AOPEP: variants seen among roughly 807,000 people sequenced by gnomAD.
The protein encoded by AOPEP is aminopeptidase O.
Under a neutral mutation model 98.1 loss-of-function variants are expected in AOPEP, and 77 were observed. The ratio of observed to expected loss-of-function variants is 0.78; its 90% confidence interval spans 0.65 to 0.95. The LOEUF is 0.95. AOPEP is among the 40% of genes least tolerant of loss of function. AOPEP has a pLI of 0.00. For missense variants in AOPEP, 1,024 were observed against 1,024.7 expected (o/e 1.00, Z 0.01); for synonymous variants, 346 against 365.3 (o/e 0.95, Z 0.60).
intron 5 of AOPEP, among the ~76,000 whole-genome samples, chr9:94,847,509 C>T (rs1016827242): frequency 2.0e-5 from 3 of 152,160 alleles, no homozygotes; most frequent in Non-Finnish European, 2.9e-5. Context: ...TCTGTCAATA[C>T]GTTGTTAACA....
At chr9:95,132,837 C>T in the AOPEP span, among the ~76,000 whole-genome samples, 2 of 152,146 alleles carry the variant, frequency 1.3e-5, no homozygotes, top group Non-Finnish European at 2.9e-5. Flanking sequence ...CTGTACCACA[C>T]TTTTATCTTT....
rs1431197308 is a variant in AOPEP, at chr9:94,954,187, G to A, written c.1662-990G>A. Among the ~76,000 whole-genome samples the A allele has an allele frequency of 4.6e-5, 7 of 152,224 alleles. No individual in the cohort carries two copies. In the East Asian group the frequency reaches 1.2e-3, roughly 25 times the overall value. ...AAAAAAACAAAAATTAGCTGGGTAC[G>A]GTGGCAGGCTTCTGTAATCCCAGCT... On this transcript the variant is annotated intron_variant, in intron 7 of 16. Coordinates refer to ENST00000375315, the MANE Select transcript of AOPEP (RefSeq NM_001193329.3).
chr9:95,036,024 G>A lies in AOPEP; in HGVS notation c.2116-24670G>A, dbSNP rs115632201. Among the ~76,000 whole-genome samples, 1,301 of 152,242 alleles carry A rather than the reference G, an allele frequency of 8.5e-3. 25 individuals carry two copies. Among genetic ancestry groups the A allele is most frequent in the African/African-American group, 0.03 (1,239 of 41,538 alleles). On this transcript the variant is annotated intron_variant, in intron 13 of 16. Transcript: ENST00000375315. ...GTTTCCGTGATGGTGGTCACACTGA[G>A]TTTTCTTGAATAGAAGGGATTATGC... is the stretch of plus-strand genomic sequence containing the variant.
At chr9:95,084,145 C>T (rs1015738068) in intron 16 of AOPEP, among the ~76,000 whole-genome samples, 19 of 151,998 alleles carry the variant, frequency 1.3e-4, no homozygotes, top group South Asian at 2.1e-4. Context: ...AAGCATTTTT[C>T]GTGTTATAGC....
chr9:94,796,930 A>G (rs888068802), intron 4 of AOPEP, among the ~76,000 whole-genome samples: 3 of 152,216 alleles, frequency 2.0e-5, no homozygotes, highest in Non-Finnish European at 2.9e-5. Flanking sequence ...AAACTTGGAT[A>G]AAGTCCAAAG....
intron 11 of AOPEP, among the ~76,000 whole-genome samples, chr9:94,983,963 C>T (rs1031054535): frequency 6.6e-6 from 1 of 151,082 alleles, no homozygotes; most frequent in Admixed American, 6.7e-5. Context: ...TGCTCAGGAG[C>T]TCACCGTCCA....
At chr9:94,815,739 G>GT (rs1490026977) in intron 5 of AOPEP, among the ~76,000 whole-genome samples, 1 of 152,080 alleles carries the variant, frequency 6.6e-6, no homozygotes, top group Admixed American at 6.6e-5. Flanking sequence ...TTGGTCCATG[G>GT]GTGAAGCATC....
chr9:94,901,641 G>C (rs55949944), intron 5 of AOPEP, among the ~76,000 whole-genome samples: 1 of 152,116 alleles, frequency 6.6e-6, no homozygotes, highest in African/African-American at 2.4e-5. Context: ...AACTTTTCAC[G>C]TAGAAAAGTG....
rs1837952718 is a variant in AOPEP at position 94,760,280 on chromosome 9, G to A, written c.497G>A (p.Gly166Asp). The A allele has an allele frequency of 1.2e-6, 2 of 1,614,034 alleles. No individual in the cohort carries two copies. Among genetic ancestry groups the A allele is most frequent in the African/African-American group, 1.3e-5 (1 of 74,920 alleles). The change falls in exon 2 of 17, where the codon GGT (glycine) becomes GAT (aspartate). Residue 166 changes from glycine to aspartate, a missense_variant. Gly to Asp is a moderately conservative substitution (Grantham distance 94). Around this residue, in one of 3 missense-constraint regions of AOPEP, gnomAD observed 440 missense variants for 433.8 expected, o/e 1.01. Transcript: ENST00000375315. ...GAGGTGGATGTTGCTGCTGTGCCAG[G>A]TCTGGAAAAATTTACAAGGTCTCCT... is the stretch of plus-strand genomic sequence containing the variant. ...VEEVDVAAVP[G>D]LEKFTRSPEL...
the AOPEP span, among the ~76,000 whole-genome samples, chr9:95,141,665 G>A: frequency 1.3e-5 from 2 of 152,198 alleles, no homozygotes; most frequent in Admixed American, 1.3e-4. Context: ...GGCTCCTCAA[G>A]AGTAATTCTA....
rs143377878 is a variant in AOPEP at position 94,988,886 on chromosome 9, C to T, written c.1977+9459C>T. Among the ~76,000 whole-genome samples, 231 of 151,486 alleles carry T rather than the reference C, an allele frequency of 1.5e-3. 2 individuals are homozygous for T. Among genetic ancestry groups the T allele is most frequent in the African/African-American group, 5.4e-3 (224 of 41,264 alleles). On this transcript the variant is annotated intron_variant, in intron 11 of 16. Coordinates refer to ENST00000375315, the MANE Select transcript of AOPEP (RefSeq NM_001193329.3). ...ATTATCTCATATTCTGAAATATATT[C>T]TATCAAAATAAGTTTCTTTTCCTTT...
chr9:95,094,026 CT>C, the AOPEP span, among the ~76,000 whole-genome samples: 1 of 152,186 alleles, frequency 6.6e-6, no homozygotes. Flanking sequence ...CAGGCTTTTC[CT>C]TTTTTTCTCT....
chr9:94,948,345 C>G (rs910818936), intron 7 of AOPEP, among the ~76,000 whole-genome samples: 1 of 151,612 alleles, frequency 6.6e-6, no homozygotes, highest in Non-Finnish European at 1.5e-5. Flanking sequence ...TGCTCTCCAC[C>G]ACATCCATTC....
At chr9:95,075,134 G>A (rs928531039) in intron 14 of AOPEP, among the ~76,000 whole-genome samples, 4 of 152,146 alleles carry the variant, frequency 2.6e-5, no homozygotes, top group Non-Finnish European at 5.9e-5. Context: ...CATGGTCTGC[G>A]GTCTGGGTCT....
chr9:94,984,223 C>T (rs534231103), intron 11 of AOPEP, among the ~76,000 whole-genome samples: 6 of 152,008 alleles, frequency 3.9e-5, no homozygotes, highest in East Asian at 3.9e-4. Context: ...TTAATAGAGA[C>T]GGGGTTTCAC....
At chr9:94,779,005 G>A (rs1193111094) in intron 3 of AOPEP, among the ~76,000 whole-genome samples, 1 of 151,874 alleles carries the variant, frequency 6.6e-6, no homozygotes, top group African/African-American at 2.4e-5. Flanking sequence ...CTTCAGCGTG[G>A]GTGACAGAAT....
intron 14 of AOPEP, among the ~76,000 whole-genome samples, chr9:95,075,936 G>T (rs557997193): frequency 6.6e-6 from 1 of 152,186 alleles, no homozygotes; most frequent in Non-Finnish European, 1.5e-5. Flanking sequence ...AAGCTGCCCC[G>T]ATGGGGATGG....
At chr9:94,861,888 A>G (rs933817106) in intron 5 of AOPEP, among the ~76,000 whole-genome samples, 1 of 152,196 alleles carries the variant, frequency 6.6e-6, no homozygotes, top group Non-Finnish European at 1.5e-5. Flanking sequence ...AGGCTGCACT[A>G]CGTCTTTCAT....
At chr9:95,032,897 G>T (rs1022471493) in intron 13 of AOPEP, among the ~76,000 whole-genome samples, 3 of 152,198 alleles carry the variant, frequency 2.0e-5, no homozygotes, top group Non-Finnish European at 4.4e-5. Context: ...ATGGGCATGT[G>T]CATGTATAGG....
Sources: allele counts gnomAD v4.1 joint callset (sites outside exome capture counted in the v4.1 genomes callset), GRCh38; gene constraint gnomAD v4.1.1; regional missense constraint gnomAD v4.1.1; transcripts MANE v1.5; gene names NCBI Gene and HGNC (gene_info 2026-07-23, HGNC 2026-07-21).